RAI14: variants seen among roughly 807,000 people sequenced by gnomAD.
The protein encoded by RAI14 is retinoic acid induced 14.
A neutral mutation model predicts 115.4 loss-of-function variants in RAI14; 45 were observed. The observed-to-expected ratio is 0.39, with a 90% CI of 0.31 to 0.50. The LOEUF (loss-of-function observed/expected upper bound fraction) is 0.50, where lower values mean the gene tolerates loss of function less well. Ranked by LOEUF, RAI14 falls within the 20% of genes least tolerant of loss-of-function variation. The probability of loss-of-function intolerance (pLI) is 0.85; values close to 1 mark genes in which losing one functional copy is unlikely to be tolerated. For missense variants in RAI14, 939 were observed against 1,131.2 expected (o/e 0.83, Z 2.44); for synonymous variants, 371 against 415.4 (o/e 0.89, Z 1.30).
At chr5:34,679,481 C>T (rs886731066) in intron 1 of RAI14, among the ~76,000 whole-genome samples, 1 of 152,060 alleles carries the variant, frequency 6.6e-6, no homozygotes, top group Non-Finnish European at 1.5e-5. Flanking sequence ...TAAGGTCTCA[C>T]ATGAAATAAC....
At chr5:34,780,926 T>C (rs1252283629) in intron 3 of RAI14, among the ~76,000 whole-genome samples, 3 of 152,118 alleles carry the variant, frequency 2.0e-5, no homozygotes, top group African/African-American at 7.2e-5. Flanking sequence ...CACACGTATG[T>C]TTATTGCGGC....
chr5:34,779,568 A>G (rs1409458122), intron 3 of RAI14, among the ~76,000 whole-genome samples: 1 of 152,224 alleles, frequency 6.6e-6, no homozygotes, highest in Non-Finnish European at 1.5e-5. Context: ...AAGCATTCTT[A>G]TATACCAATA....
In RAI14 at chr5:34,824,251, G is replaced by C; in HGVS notation, c.2409G>C (p.Leu803Phe). 6.2e-7 allele frequency: 1 copy of C among 1,614,112 alleles called. No individual in the cohort carries two copies. ...CCTTAGAGAGTGAAGTGAGTGTGTTGGCATCGAAATTAAAGGAATCTGTGA... is the reference window on the plus strand; with the variant it reads ...CCTTAGAGAGTGAAGTGAGTGTGTTCGCATCGAAATTAAAGGAATCTGTGA... The part of the protein sequence containing the change: ...QSSLESEVSV[L>F]ASKLKESVKE... The change falls in exon 15 of 18, where the codon TTG (leucine) becomes TTC (phenylalanine). Residue 803 changes from leucine to phenylalanine, a missense_variant. Leu to Phe is a conservative substitution (Grantham distance 22, BLOSUM62 0). Transcript: ENST00000265109.
At chr5:34,724,038 C>T (rs554184940) in intron 2 of RAI14, among the ~76,000 whole-genome samples, 17 of 152,164 alleles carry the variant, frequency 1.1e-4, no homozygotes, top group African/African-American at 3.1e-4. Flanking sequence ...ATTTTTGAGA[C>T]GGAGTTTTCA....
At position 34,785,644 on chromosome 5, in the gene RAI14, A is replaced by G. The variant is rs1752202735; in HGVS notation, c.168-10295A>G. Among the ~76,000 whole-genome samples the G allele has an allele frequency of 1.3e-5, 2 of 152,174 alleles. 1 individual carries two copies. Among genetic ancestry groups the G allele is most frequent in the South Asian group, 4.1e-4 (2 of 4,826 alleles). ...GATTGAAATGTCCACTCCTGTATCT[A>G]CCAAACCTTTAAATTTCTTTCCCTG... On this transcript the variant is annotated intron_variant, in intron 3 of 17. Coordinates refer to ENST00000265109, the MANE Select transcript of RAI14 (RefSeq NM_015577.3).
chr5:34,755,293 C>A (rs562217090), intron 2 of RAI14, among the ~76,000 whole-genome samples: 1 of 152,262 alleles, frequency 6.6e-6, no homozygotes, highest in Admixed American at 6.5e-5. Context: ...ACAAAAATCT[C>A]ATTTCTTTGT....
intron 1 of RAI14, among the ~76,000 whole-genome samples, chr5:34,676,907 G>A (rs1262539495): frequency 1.3e-5 from 2 of 152,120 alleles, no homozygotes; most frequent in African/African-American, 4.8e-5. Flanking sequence ...AGGATTCATT[G>A]CCAAGATGAC....
intron 3 of RAI14, among the ~76,000 whole-genome samples, chr5:34,778,573 GTTT>G (rs1751190581): frequency 6.6e-6 from 1 of 152,056 alleles, no homozygotes; most frequent in Non-Finnish European, 1.5e-5. Context: ...TAGATAAAAT[GTTT>G]TTATACTCTT....
Position 34,830,960 on chromosome 5 carries a change from C to T in RAI14, c.*195C>T. The T allele has an allele frequency of 1.0e-6, 1 of 953,814 alleles. No individual in the cohort carries two copies. Among genetic ancestry groups the T allele is most frequent in the Non-Finnish European group, 1.5e-6 (1 of 685,380 alleles). 59.1% of individuals were successfully genotyped at this position (953,814 alleles called of 1,614,324 possible). On this transcript the variant is annotated 3_prime_UTR_variant, in exon 18 of 18. Coordinates refer to ENST00000265109, the MANE Select transcript of RAI14 (RefSeq NM_015577.3). ...CTCAGAACTGCTTAGAGACTTCAAACCAGCAGAGGTGAAAGTCCCTGTCAT... is the reference window on the plus strand; with the variant it reads ...CTCAGAACTGCTTAGAGACTTCAAATCAGCAGAGGTGAAAGTCCCTGTCAT...
intron 2 of RAI14, among the ~76,000 whole-genome samples, chr5:34,696,785 T>TC (rs1293007812): frequency 6.6e-6 from 1 of 152,236 alleles, no homozygotes; most frequent in African/African-American, 2.4e-5. Context: ...TTGGTAGAAG[T>TC]CTGTTGCAGC....
intron 3 of RAI14, among the ~76,000 whole-genome samples, chr5:34,772,017 TC>T (rs1349298416): frequency 6.6e-6 from 1 of 152,126 alleles, no homozygotes; most frequent in Non-Finnish European, 1.5e-5. Context: ...TAAGTGATCC[TC>T]CCTCCTCACC....
chr5:34,752,741 G>GTATATATATATA (rs1328513453), intron 2 of RAI14, among the ~76,000 whole-genome samples: 3 of 99,528 alleles, frequency 3.0e-5, no homozygotes, highest in Admixed American at 2.0e-4. Context: ...GTGTGTGTGT[G>GTATATATATATA]TGTGTGTGTA....
intron 3 of RAI14, among the ~76,000 whole-genome samples, chr5:34,775,929 A>G (rs532301676): frequency 6.6e-6 from 1 of 152,352 alleles, no homozygotes; most frequent in South Asian, 2.1e-4. Context: ...TATATACCCA[A>G]AAGAATGGAA....
At chr5:34,751,570 C>T (rs890399162) in intron 2 of RAI14, among the ~76,000 whole-genome samples, 2 of 152,302 alleles carry the variant, frequency 1.3e-5, no homozygotes, top group South Asian at 2.1e-4. Flanking sequence ...TTCAACAGTA[C>T]TGTTTTTAAT....
chr5:34,796,561 A>G (rs1212109499), intron 4 of RAI14, among the ~76,000 whole-genome samples: 1 of 152,084 alleles, frequency 6.6e-6, no homozygotes, highest in Non-Finnish European at 1.5e-5. Context: ...TATGCTTCTT[A>G]TCCTCATTTT....
intron 1 of RAI14, among the ~76,000 whole-genome samples, chr5:34,664,554 A>G (rs1742956276): frequency 1.3e-5 from 2 of 151,910 alleles, no homozygotes; most frequent in Non-Finnish European, 2.9e-5. Context: ...CATTTTAGGT[A>G]TTGTTATCGA....
intron 13 of RAI14, among the ~76,000 whole-genome samples, chr5:34,819,722 T>G (rs373518278): frequency 9.2e-5 from 14 of 152,338 alleles, no homozygotes; most frequent in African/African-American, 3.4e-4. Context: ...TTCATAGGTG[T>G]TTGGAGCCTT....
chr5:34,717,534 G>A (rs1412205390), intron 2 of RAI14, among the ~76,000 whole-genome samples: 3 of 152,200 alleles, frequency 2.0e-5, no homozygotes, highest in Admixed American at 1.3e-4. Flanking sequence ...TGATTCAAGA[G>A]CTTAAGGACA....
chr5:34,792,136 C>T (rs1752981745), intron 3 of RAI14, among the ~76,000 whole-genome samples: 1 of 152,166 alleles, frequency 6.6e-6, no homozygotes, highest in South Asian at 2.1e-4. Flanking sequence ...AATGATGATA[C>T]ACAGTGGAGC....
Sources: allele counts gnomAD v4.1 joint callset (sites outside exome capture counted in the v4.1 genomes callset), GRCh38; gene constraint gnomAD v4.1.1; transcripts MANE v1.5; gene names NCBI Gene and HGNC (gene_info 2026-07-23, HGNC 2026-07-21).